DENND1A: variants seen among roughly 807,000 people sequenced by gnomAD.
The protein encoded by DENND1A is DENN domain-containing protein 1A.
In DENND1A, 51 loss-of-function variants were observed where a neutral mutation model predicts 113.7. That is an observed-to-expected ratio of 0.45 (90% CI 0.36 to 0.57). The LOEUF (loss-of-function observed/expected upper bound fraction) is 0.57. Among genes scored for constraint, DENND1A ranks in the 20% least tolerant of loss-of-function variants. DENND1A has a pLI of 0.00. For missense variants in DENND1A, 1,258 were observed against 1,395.9 expected, an observed-to-expected ratio of 0.90 and a Z score of 1.57; for synonymous variants, 565 against 570.8, an observed-to-expected ratio of 0.99 and a Z score of 0.14.
chr9:123,868,508 T>C (rs745676663), intron 2 of DENND1A, among the ~76,000 whole-genome samples: 5 of 152,230 alleles, frequency 3.3e-5, no homozygotes, highest in Non-Finnish European at 7.3e-5. Context: ...ACAGGTACTA[T>C]TAGTGCCCCA....
At chr9:123,860,075 G>A (rs2133272710) in intron 2 of DENND1A, among the ~76,000 whole-genome samples, 1 of 152,304 alleles carries the variant, frequency 6.6e-6, no homozygotes, top group East Asian at 1.9e-4. Context: ...ATGGTAATCA[G>A]CTAGGAAAGA....
chr9:123,707,195 G>C (rs1380641531), intron 5 of DENND1A, among the ~76,000 whole-genome samples: 4 of 152,148 alleles, frequency 2.6e-5, no homozygotes, highest in Non-Finnish European at 4.4e-5. Flanking sequence ...AGGAGTTTGA[G>C]ACCAGCCTGA....
chr9:123,607,247 T>G (rs1354130174), intron 11 of DENND1A, among the ~76,000 whole-genome samples: 1 of 151,714 alleles, frequency 6.6e-6, no homozygotes. Flanking sequence ...ATCAAATGAA[T>G]AAGGCTTTTG....
intron 13 of DENND1A, among the ~76,000 whole-genome samples, chr9:123,542,320 A>G (rs1339862414): frequency 1.3e-5 from 2 of 152,234 alleles, no homozygotes; most frequent in Admixed American, 6.5e-5. Context: ...GGGTTCAGAA[A>G]GGTATAGTAA....
At chr9:123,494,980 C>T (rs538093785) in intron 13 of DENND1A, among the ~76,000 whole-genome samples, 8 of 151,926 alleles carry the variant, frequency 5.3e-5, no homozygotes, top group East Asian at 1.9e-4. Context: ...TTAGTAGAGA[C>T]GGGGTTTTGC....
At chr9:123,542,625 G>A (rs989322186) in intron 13 of DENND1A, among the ~76,000 whole-genome samples, 1 of 152,122 alleles carries the variant, frequency 6.6e-6, no homozygotes, top group African/African-American at 2.4e-5. Context: ...TTTGGCCCAT[G>A]CAAGGCACCA....
chr9:123,710,696 G>C (rs2066524507), intron 5 of DENND1A, among the ~76,000 whole-genome samples: 1 of 144,496 alleles, frequency 6.9e-6, no homozygotes, highest in Non-Finnish European at 1.5e-5. Context: ...TTTTGAGACA[G>C]AGGTTCACTC....
At chr9:123,812,186 T>A (rs1836734409) in intron 2 of DENND1A, among the ~76,000 whole-genome samples, 1 of 152,196 alleles carries the variant, frequency 6.6e-6, no homozygotes, top group South Asian at 2.1e-4. Context: ...AAAATAGAGT[T>A]GTTTTGTATT....
chr9:123,655,465 T>C (rs1005005724), intron 8 of DENND1A, among the ~76,000 whole-genome samples: 3 of 151,990 alleles, frequency 2.0e-5, no homozygotes, highest in Non-Finnish European at 4.4e-5. Flanking sequence ...GATGAAGCAA[T>C]TGATTACTCA....
intron 21 of DENND1A, chr9:123,400,706 G>A (rs10986006): frequency 0.095 from 14,389 of 152,204 alleles, 731 homozygotes; most frequent in Middle Eastern, 0.17. Flanking sequence ...TCAGCCTCCC[G>A]AGTAGCTGGA....
intron 19 of DENND1A, among the ~76,000 whole-genome samples, chr9:123,429,725 T>C (rs556057366): frequency 6.6e-6 from 1 of 152,234 alleles, no homozygotes. Flanking sequence ...AATTGTATAA[T>C]GCAAAACTAC....
chr9:123,425,424 C>A (rs1160253519), intron 19 of DENND1A, among the ~76,000 whole-genome samples: 2 of 152,282 alleles, frequency 1.3e-5, no homozygotes, highest in Non-Finnish European at 2.9e-5. Flanking sequence ...CTGTCTCTCA[C>A]AACCTGGCGC....
chr9:123,738,757 G>C (rs2068764707), intron 5 of DENND1A, among the ~76,000 whole-genome samples: 1 of 152,216 alleles, frequency 6.6e-6, no homozygotes, highest in Non-Finnish European at 1.5e-5. Context: ...CTATCAAAGA[G>C]AGTAATTCAC....
At chr9:123,792,234 C>A (rs1221300909) in intron 3 of DENND1A, among the ~76,000 whole-genome samples, 1 of 152,212 alleles carries the variant, frequency 6.6e-6, no homozygotes, top group Non-Finnish European at 1.5e-5. Flanking sequence ...TTTTGTTACA[C>A]TGCTTCTTGA....
At chr9:123,391,357 G>C (rs1891641) in intron 21 of DENND1A, among the ~76,000 whole-genome samples, 1 of 152,226 alleles carries the variant, frequency 6.6e-6, no homozygotes, top group East Asian at 1.9e-4. Context: ...CATGGATGGC[G>C]ATACTTACAA....
intron 2 of DENND1A, among the ~76,000 whole-genome samples, chr9:123,857,925 G>A (rs1213745451): frequency 3.3e-5 from 5 of 152,102 alleles, no homozygotes; most frequent in African/African-American, 1.2e-4. Context: ...TGGGCGTGGT[G>A]GCGGACGCCT....
At chr9:123,540,515 C>T (rs2056206393) in intron 13 of DENND1A, among the ~76,000 whole-genome samples, 1 of 152,102 alleles carries the variant, frequency 6.6e-6, no homozygotes, top group Admixed American at 6.6e-5. Context: ...ATTAAGATGA[C>T]ATAAGCCACT....
In DENND1A at chr9:123,757,834, G is replaced by T; in HGVS notation, c.183-12C>A. ...GGCTAACTGTGAGGCTGCAGCAAAG[G>T]CAGAACAAAGGGGAAAATGAATGTG... On this transcript the variant is annotated splice_polypyrimidine_tract_variant and intron_variant, in intron 4 of 23. Transcript: ENST00000394215. The T allele has an allele frequency of 1.9e-6, 3 of 1,612,688 alleles. No individual in the cohort carries two copies. The highest frequency in any genetic ancestry group is 2.2e-5 in the East Asian group (1 of 44,808).
At chr9:123,818,415 T>G (rs1055377750) in intron 2 of DENND1A, among the ~76,000 whole-genome samples, 7 of 152,030 alleles carry the variant, frequency 4.6e-5, no homozygotes, top group Non-Finnish European at 1.5e-5. Context: ...ATAGTATTGT[T>G]AATACAGGTT....
Sources: allele counts gnomAD v4.1 joint callset (sites outside exome capture counted in the v4.1 genomes callset), GRCh38; gene constraint gnomAD v4.1.1; transcripts MANE v1.5; gene names NCBI Gene and HGNC (gene_info 2026-07-23, HGNC 2026-07-21).